CTNNA3: variants seen among roughly 807,000 people sequenced by gnomAD.
CTNNA3 encodes catenin alpha-3.
A neutral mutation model predicts 95.7 loss-of-function variants in CTNNA3; 76 were observed. That is an observed-to-expected ratio of 0.79 (90% CI 0.66 to 0.96). The LOEUF is 0.96. CTNNA3 is among the 40% of genes least tolerant of loss of function. The pLI, the probability that CTNNA3 is intolerant of heterozygous loss-of-function variation, is 0.00. For synonymous variants in CTNNA3, 431 were observed against 374.4 expected, an observed-to-expected ratio of 1.15 and a Z score of -1.74; for missense variants, 1,191 against 1,089.8, an observed-to-expected ratio of 1.09 and a Z score of -1.31.
chr10:67,382,238 T>C (rs1341703872), intron 5 of CTNNA3, among the ~76,000 whole-genome samples: 1 of 152,152 alleles, frequency 6.6e-6, no homozygotes, highest in East Asian at 1.9e-4. Context: ...ATAATTTCCA[T>C]AAGCAAAGGA....
chr10:66,163,919 G>T (rs1171097151), intron 13 of CTNNA3, among the ~76,000 whole-genome samples: 2 of 152,152 alleles, frequency 1.3e-5, no homozygotes, highest in African/African-American at 4.8e-5. Flanking sequence ...TTGAGACATG[G>T]TAAGTACCAT....
chr10:66,391,315 CG>C (rs1181586399), intron 11 of CTNNA3, among the ~76,000 whole-genome samples: 1 of 151,630 alleles, frequency 6.6e-6, no homozygotes, highest in Non-Finnish European at 1.5e-5. Context: ...CACACACACA[CG>C]AAAAAAAAGA....
Position 67,101,757 on chromosome 10 carries a change from A to T in CTNNA3, c.1047+78560T>A, listed in dbSNP as rs188203580. On this transcript the variant is annotated intron_variant, in intron 7 of 17. Coordinates refer to ENST00000433211, the MANE Select transcript of CTNNA3 (RefSeq NM_013266.4). ...ATAGTAAAATCTTTTTGAAAAAAAA[A>T]TTTTCTAAAATAAAACTATTGTATA... Among the ~76,000 whole-genome samples the T allele has an allele frequency of 4.9e-4, 74 of 151,912 alleles. 1 individual carries two copies. Among genetic ancestry groups the T allele is most frequent in the South Asian group, 1.2e-3 (6 of 4,830 alleles).
intron 11 of CTNNA3, among the ~76,000 whole-genome samples, chr10:66,429,446 G>A (rs7392988): frequency 1.3e-5 from 2 of 151,576 alleles, no homozygotes; most frequent in Non-Finnish European, 3.0e-5. Context: ...AGAGACACAA[G>A]CAAAAAAGAG....
intron 3 of CTNNA3, among the ~76,000 whole-genome samples, chr10:67,605,700 C>T (rs150108899): frequency 1.9e-4 from 28 of 151,014 alleles, no homozygotes; most frequent in African/African-American, 5.9e-4. Context: ...TTTTTTGAGA[C>T]GAAGTCTCGC....
At chr10:67,571,394 G>A (rs999331512) in intron 3 of CTNNA3, among the ~76,000 whole-genome samples, 2 of 152,046 alleles carry the variant, frequency 1.3e-5, no homozygotes, top group African/African-American at 4.8e-5. Flanking sequence ...AATTGCTTGA[G>A]AATAATTCTC....
chr10:66,276,734 CA>C (rs1229943130), intron 13 of CTNNA3, among the ~76,000 whole-genome samples: 2 of 152,072 alleles, frequency 1.3e-5, no homozygotes, highest in South Asian at 2.1e-4. Context: ...TCAAGATATG[CA>C]AAAATATTAA....
Position 66,490,290 on chromosome 10 carries a change from T to A in CTNNA3, c.1531+30327A>T, listed in dbSNP as rs138732902. Among the ~76,000 whole-genome samples, 116 of 152,282 alleles carry A rather than the reference T, an allele frequency of 7.6e-4. No homozygotes were observed. In the Middle Eastern group the frequency reaches 0.017, roughly 22 times the overall value. ...TAATATTTTTCACATAGCAAGTATG[T>A]CACATTTGTTTAATACACATCATTT... is the stretch of plus-strand genomic sequence containing the variant. On this transcript the variant is annotated intron_variant, in intron 11 of 17. Transcript: ENST00000433211.
At chr10:66,057,739 C>G (rs2080115321) in intron 15 of CTNNA3, among the ~76,000 whole-genome samples, 1 of 152,030 alleles carries the variant, frequency 6.6e-6, no homozygotes, top group African/African-American at 2.4e-5. Context: ...TTCTGGAGCA[C>G]AGCAAAAAAT....
chr10:67,111,078 T>C (rs1293710744), intron 7 of CTNNA3, among the ~76,000 whole-genome samples: 4 of 152,150 alleles, frequency 2.6e-5, no homozygotes, highest in Non-Finnish European at 5.9e-5. Flanking sequence ...AATATATTAC[T>C]CTGCTTATTT....
At chr10:66,095,725 G>C (rs367757886) in intron 14 of CTNNA3, among the ~76,000 whole-genome samples, 2 of 151,862 alleles carry the variant, frequency 1.3e-5, no homozygotes, top group Non-Finnish European at 2.9e-5. Flanking sequence ...AAGAACCATC[G>C]CAAGTATTTT....
At chr10:67,144,364 C>A (rs574664575) in intron 7 of CTNNA3, among the ~76,000 whole-genome samples, 2 of 152,306 alleles carry the variant, frequency 1.3e-5, no homozygotes, top group Admixed American at 1.3e-4. Context: ...TAGCATCTAA[C>A]AAAAGAGTTA....
At chr10:67,399,650 C>G (rs11812739) in intron 5 of CTNNA3, among the ~76,000 whole-genome samples, 6,278 of 152,272 alleles carry the variant, frequency 0.041, 182 homozygotes, top group South Asian at 0.1. Context: ...CCACCCAACT[C>G]ACATCCTATG....
chr10:67,716,567 C>T (rs1335174755), intron 1 of CTNNA3, among the ~76,000 whole-genome samples: 3 of 152,148 alleles, frequency 2.0e-5, no homozygotes, highest in Non-Finnish European at 4.4e-5. Context: ...TGAGAACATG[C>T]GGTGTTCGGT....
Position 66,740,713 on chromosome 10 carries a change from A to T in CTNNA3, c.1281+25551T>A, listed in dbSNP as rs552333833. Among the ~76,000 whole-genome samples the T allele has an allele frequency of 9.8e-5, 15 of 152,338 alleles. No individual in the cohort carries two copies. The South Asian group carries it at 2.9e-3, about 29-fold the overall frequency. On this transcript the variant is annotated intron_variant, in intron 9 of 17. Transcript: ENST00000433211. ...CAATTGACTTGCCTCTCTTTCTGCC[A>T]TTACAAAATTATCACTATGGTAGTT...
intron 17 of CTNNA3, among the ~76,000 whole-genome samples, chr10:65,952,699 C>T (rs2077644256): frequency 6.6e-6 from 1 of 152,190 alleles, no homozygotes; most frequent in Non-Finnish European, 1.5e-5. Flanking sequence ...ATTCTGTAAG[C>T]CCTCATGGCT....
intron 5 of CTNNA3, among the ~76,000 whole-genome samples, chr10:67,244,630 G>C (rs1243815665): frequency 6.6e-6 from 1 of 152,154 alleles, no homozygotes; most frequent in Non-Finnish European, 1.5e-5. Flanking sequence ...ATAATGATAT[G>C]CTAAAATAAT....
At chr10:66,793,084 G>T (rs1399317104) in intron 7 of CTNNA3, among the ~76,000 whole-genome samples, 1 of 152,102 alleles carries the variant, frequency 6.6e-6, no homozygotes, top group African/African-American at 2.4e-5. Context: ...ATTTGTGTTG[G>T]ATGTCCAATG....
intron 6 of CTNNA3, among the ~76,000 whole-genome samples, chr10:67,197,933 T>C (rs2132197645): frequency 6.6e-6 from 1 of 152,182 alleles, no homozygotes; most frequent in South Asian, 2.1e-4. Context: ...TGGTAAGAAA[T>C]TGCAAAGAAA....
Sources: gnomAD v4.1 joint callset for allele counts (sites outside exome capture counted in the v4.1 genomes callset) on GRCh38, gnomAD v4.1.1 for gene constraint, MANE v1.5 for transcripts, NCBI Gene and HGNC (gene_info 2026-07-23, HGNC 2026-07-21) for gene names.